The following ACOXL variants were observed in gnomAD, a reference collection of about 807,000 sequenced individuals.
ACOXL encodes the protein acyl-CoA oxidase like.
A neutral mutation model predicts 71.9 loss-of-function variants in ACOXL; 70 were observed. The observed-to-expected ratio is 0.97, with a 90% CI of 0.80 to 1.19. The LOEUF (loss-of-function observed/expected upper bound fraction) is 1.19, where lower values mean the gene tolerates loss of function less well. Among genes scored for constraint, ACOXL ranks in the 50% most tolerant of loss-of-function variants. The pLI is 0.00. For missense variants in ACOXL, 703 were observed against 736.3 expected (o/e 0.95, Z 0.52); for synonymous variants, 253 against 281.6 (o/e 0.90, Z 1.02).
intron 16 of ACOXL, among the ~76,000 whole-genome samples, chr2:111,070,145 A>G (rs1333237542): frequency 6.6e-6 from 1 of 152,164 alleles, no homozygotes; most frequent in Non-Finnish European, 1.5e-5. Context: ...CAAACCCATT[A>G]CTAGGTATAT....
At chr2:110,978,161 A>G (rs188504033) in intron 12 of ACOXL, among the ~76,000 whole-genome samples, 52 of 152,318 alleles carry the variant, frequency 3.4e-4, no homozygotes, top group Admixed American at 3.1e-3. Flanking sequence ...TATTTCTTAC[A>G]GTTCTGGAGG....
At chr2:110,814,227 C>T (rs965538842) in intron 9 of ACOXL, among the ~76,000 whole-genome samples, 3 of 152,206 alleles carry the variant, frequency 2.0e-5, no homozygotes, top group Non-Finnish European at 4.4e-5. Flanking sequence ...TCCTTCTCCA[C>T]TGTGACCTGA....
In ACOXL at chr2:110,988,728, A is replaced by T. The variant is rs193280023; in HGVS notation, c.1169+1511A>T. ...TTTTGTCAATACAATATAAGAAATG[A>T]TCTCTCACCCTGACTTTAAACTGAA... On this transcript the variant is annotated intron_variant, in intron 13 of 17. Transcript: ENST00000439055. Among the ~76,000 whole-genome samples the T allele has an allele frequency of 1.5e-3, 228 of 152,240 alleles. 1 individual carries two copies. Among genetic ancestry groups the T allele is most frequent in the African/African-American group, 5.3e-3 (220 of 41,536 alleles).
chr2:110,752,827 C>G (rs1408355646), intron 1 of ACOXL, among the ~76,000 whole-genome samples: 2 of 152,068 alleles, frequency 1.3e-5, no homozygotes, highest in East Asian at 3.8e-4. Flanking sequence ...TATTGTCTCA[C>G]GCAGTGTCTG....
At chr2:111,023,231 G>A (rs1490501391) in intron 14 of ACOXL, among the ~76,000 whole-genome samples, 1 of 152,126 alleles carries the variant, frequency 6.6e-6, no homozygotes, top group East Asian at 1.9e-4. Flanking sequence ...GATGAGAGGG[G>A]AGCGGGGAGA....
At chr2:111,059,256 T>TA (rs1212815056) in intron 16 of ACOXL, among the ~76,000 whole-genome samples, 3 of 152,084 alleles carry the variant, frequency 2.0e-5, no homozygotes, top group African/African-American at 7.2e-5. Context: ...ATAATAATAG[T>TA]AAAAAACTGG....
intron 1 of ACOXL, among the ~76,000 whole-genome samples, chr2:110,753,092 G>A (rs140272071): frequency 0.021 from 3,179 of 152,204 alleles, 45 homozygotes; most frequent in Non-Finnish European, 0.03. Flanking sequence ...CTGGTGGTGA[G>A]TTCTCACTCT....
intron 2 of ACOXL, among the ~76,000 whole-genome samples, chr2:110,779,031 A>C (rs1683004943): frequency 6.6e-6 from 1 of 152,246 alleles, no homozygotes; most frequent in South Asian, 2.1e-4. Context: ...GAATTGTAGT[A>C]AGCATGTGCT....
At chr2:110,879,371 C>T (rs1045739203) in intron 10 of ACOXL, among the ~76,000 whole-genome samples, 2 of 152,106 alleles carry the variant, frequency 1.3e-5, no homozygotes, top group East Asian at 1.9e-4. Context: ...ACCTTCAAAC[C>T]GTTGAAGGAA....
chr2:111,009,511 C>G (rs895496385), intron 14 of ACOXL, among the ~76,000 whole-genome samples: 2 of 103,220 alleles, frequency 1.9e-5, no homozygotes, highest in African/African-American at 9.6e-5. Context: ...AAGACTCCGT[C>G]TCAAAAAAAA....
chr2:110,995,499 C>CAAAAAAAAA (rs567318996), intron 13 of ACOXL, among the ~76,000 whole-genome samples: 16,510 of 66,910 alleles, frequency 0.25, 5,815 homozygotes, highest in Non-Finnish European at 0.29. Context: ...GACTCTGTCT[C>CAAAAAAAAA]AAAAAAAAAA....
At chr2:110,754,070 A>AT (rs558367497) in intron 1 of ACOXL, among the ~76,000 whole-genome samples, 1,953 of 119,856 alleles carry the variant, frequency 0.016, 29 homozygotes, top group Non-Finnish European at 0.023. Flanking sequence ...AGTTCTGTGA[A>AT]TTTTTTTTTT....
intron 12 of ACOXL, chr2:110,967,952 A>C: frequency 1.1e-6 from 1 of 927,576 alleles, no homozygotes. Context: ...GAGATACAGG[A>C]TAAAAATAAA....
chr2:111,106,170 T>C (rs2069528546), intron 17 of ACOXL, among the ~76,000 whole-genome samples: 1 of 152,180 alleles, frequency 6.6e-6, no homozygotes, highest in Non-Finnish European at 1.5e-5. Flanking sequence ...TAAAAATAAT[T>C]ACACACGTTC....
intron 11 of ACOXL, among the ~76,000 whole-genome samples, chr2:110,910,476 A>T (rs1377515139): frequency 6.6e-6 from 1 of 152,202 alleles, no homozygotes; most frequent in African/African-American, 2.4e-5. Flanking sequence ...ATACCTAGAG[A>T]GGACTTGCTG....
In ACOXL at chr2:110,799,008, C is replaced by T; in HGVS notation, c.461-6C>T. On this transcript the variant is annotated splice_polypyrimidine_tract_variant and splice_region_variant and intron_variant, in intron 6 of 17. Coordinates refer to ENST00000439055, the MANE Select transcript of ACOXL (RefSeq NM_001142807.4). ...AGCTTAATAATGATCTCGATGCCTT[C>T]CTTAGGGCCCCACTGTTTCATCGTT... The T allele has an allele frequency of 1.9e-5, 30 of 1,613,912 alleles. No individual in the cohort carries two copies. Among genetic ancestry groups the T allele is most frequent in the Non-Finnish European group, 2.5e-5 (30 of 1,179,874 alleles).
At chr2:110,950,124 A>G (rs2061271420) in intron 12 of ACOXL, among the ~76,000 whole-genome samples, 1 of 152,254 alleles carries the variant, frequency 6.6e-6, no homozygotes, top group African/African-American at 2.4e-5. Context: ...ATATGTACAC[A>G]TGTGCCATGC....
In ACOXL at chr2:110,784,755, C is replaced by T; in HGVS notation, c.99C>T (p.Val33=). ...AGGCAGAGAAAACAAAGAATTTTGT[C>T]AGCCGAAGCCTTGTCATAGGAGAAG... ...QDLAEKTKNF[V]SRSLVIGEVL... Residue 33 remains valine, a synonymous_variant, in exon 3 of 18, where the codon GTC becomes GTT. Transcript: ENST00000439055. The T allele has an allele frequency of 1.2e-6, 2 of 1,604,702 alleles. No individual in the cohort carries two copies. Among genetic ancestry groups the T allele is most frequent in the South Asian group, 2.2e-5 (2 of 89,542 alleles).
intron 9 of ACOXL, among the ~76,000 whole-genome samples, chr2:110,818,873 A>G: frequency 2.3e-5 from 3 of 127,730 alleles, no homozygotes; most frequent in Non-Finnish European, 3.8e-5. Flanking sequence ...GATCAGCCAA[A>G]GCTGACCTGG....
Sources: allele counts gnomAD v4.1 joint callset (sites outside exome capture counted in the v4.1 genomes callset), GRCh38; gene constraint gnomAD v4.1.1; transcripts MANE v1.5; gene names NCBI Gene and HGNC (gene_info 2026-07-23, HGNC 2026-07-21).